The following DISP2 variants were observed in gnomAD, a reference collection of about 807,000 sequenced individuals.
DISP2 encodes protein dispatched homolog 2.
In DISP2, 59 loss-of-function variants were observed where a neutral mutation model predicts 95.5. The ratio of observed to expected loss-of-function variants is 0.62; its 90% CI spans 0.50 to 0.77. The LOEUF (loss-of-function observed/expected upper bound fraction) is 0.77. DISP2 is among the 30% of genes least tolerant of loss of function. The pLI is 0.00. For missense variants in DISP2, 1,752 were observed against 1,854.6 expected (o/e 0.94, Z 1.02); for synonymous variants, 827 against 815.0 (o/e 1.01, Z -0.25).
intron 1 of DISP2, among the ~76,000 whole-genome samples, chr15:40,361,958 T>A (rs79556810): frequency 6.6e-6 from 1 of 152,178 alleles, no homozygotes; most frequent in Non-Finnish European, 1.5e-5. Context: ...GAACCCCCCA[T>A]GGCCCTGGGC....
chr15:40,364,162 C>A (rs148223732), intron 2 of DISP2, 64 bp from the exon 3 acceptor site: 1 of 1,609,398 alleles, frequency 6.2e-7, no homozygotes, highest in African/African-American at 1.3e-5. Flanking sequence ...CCCACCTCCA[C>A]CCCCAACACA....
At position 40,367,530 on chromosome 15, in the gene DISP2, A is replaced by C. The variant is rs138813855; in HGVS notation, c.1418A>C (p.Asp473Ala). The change falls in exon 8 of 8, where the codon GAC becomes GCC. Residue 473 changes from aspartate to alanine, a missense_variant. Transcript: ENST00000267889. Reference sequence around the variant, plus strand: ...AACTACACCTCTGTCACTGGCATGGACCTGGGCCTCAAGCAGGAGCTGCTG... The same window carrying C: ...AACTACACCTCTGTCACTGGCATGGCCCTGGGCCTCAAGCAGGAGCTGCTG... Reference protein sequence around the residue: ...ADNYTSVTGMDLGLKQELLRH... With the variant: ...ADNYTSVTGMALGLKQELLRH... The C allele has an allele frequency of 6.3e-5, 102 of 1,613,332 alleles. 1 individual carries two copies. Among genetic ancestry groups the C allele is most frequent in the Non-Finnish European group, 1.4e-5 (16 of 1,179,896 alleles).
At chr15:40,362,490 G>A (rs943533781) in intron 1 of DISP2, among the ~76,000 whole-genome samples, 3 of 152,242 alleles carry the variant, frequency 2.0e-5, no homozygotes, top group Non-Finnish European at 4.4e-5. Flanking sequence ...CTCTGTGCAA[G>A]GCACTACCAA....
intron 1 of DISP2, 115 bp from the exon 2 acceptor site, chr15:40,363,510 A>G: frequency 2.5e-6 from 2 of 786,558 alleles, no homozygotes; most frequent in South Asian, 2.2e-5. Context: ...GGACTAATAA[A>G]TCAACCCTGA....
In DISP2 at chr15:40,374,014, A is replaced by AAAAAAAAAAAAAAAAAAATATATATATAT; in HGVS notation, c.*3697_*3698insAAAAAAAAAAAAAAAAATATATATATATA. On this transcript the variant is annotated 3_prime_UTR_variant, in exon 8 of 8. Coordinates refer to ENST00000267889, the MANE Select transcript of DISP2 (RefSeq NM_033510.3). ...GCGAGACTCCATCTTAAAAAAAAAA[A>AAAAAAAAAAAAAAAAAAATATATATATAT]ATATATATATATATATATGTAAACT... 11 of 104,174 alleles carry AAAAAAAAAAAAAAAAAAATATATATATAT rather than the reference A, an allele frequency of 1.1e-4. No individual in the cohort carries two copies. The highest frequency in any genetic ancestry group is 3.8e-4 in the African/African-American group (9 of 23,968). The allele number at this position is 104,174 out of a possible 1,614,324, so 6.5% of individuals were successfully genotyped here. A position where few individuals can be genotyped will look rare whatever the true frequency, so the allele number is the denominator to read the frequency against.
intron 7 of DISP2, 73 bp from the exon 8 acceptor site, chr15:40,366,985 C>T: frequency 6.4e-7 from 1 of 1,551,806 alleles, no homozygotes; most frequent in South Asian, 1.2e-5. Context: ...GATGAGAGAG[C>T]CTTGTATAGG....
chr15:40,364,365 G>T, intron 3 of DISP2, 56 bp from the exon 4 acceptor site: 1 of 1,613,390 alleles, frequency 6.2e-7, no homozygotes, highest in South Asian at 1.1e-5. Flanking sequence ...TGGAGCCTGA[G>T]CTCAGCACCC....
chr15:40,363,664 G>A lies in DISP2; in HGVS notation c.159G>A (p.Glu53=). ...TKAVPPEASP[E]RSCSLHSCPL... is the part of the protein sequence containing the mutation. ...CTGTGCCCCCTGAGGCAAGCCCAGA[G>A]AGAAGCTGCTCCCTCCACAGCTGCC... The change falls in exon 2 of 8, where the codon GAG becomes GAA. Residue 53 remains glutamate, a synonymous_variant. Transcript: ENST00000267889. The A allele has an allele frequency of 6.4e-7, 1 of 1,571,616 alleles. No individual in the cohort carries two copies. Among genetic ancestry groups the A allele is most frequent in the Non-Finnish European group, 8.6e-7 (1 of 1,157,416 alleles).
rs1211889268 is a variant in DISP2 at position 40,369,890 on chromosome 15, C to T, written c.3778C>T (p.Leu1260=). ...QDSQGEEAEP[L]PASPEAPAHS... is the part of the protein sequence containing the mutation. ...CTCCCAAGGGGAGGAGGCTGAGCCC[C>T]TGCCAGCCTCACCAGAAGCCCCAGC... Residue 1260 remains leucine, a synonymous_variant, in exon 8 of 8, where the codon CTG becomes TTG. Coordinates refer to ENST00000267889, the MANE Select transcript of DISP2 (RefSeq NM_033510.3). 1 of 1,565,844 alleles carries T rather than the reference C, an allele frequency of 6.4e-7. No individual in the cohort carries two copies. The highest frequency in any genetic ancestry group is 8.7e-7 in the Non-Finnish European group (1 of 1,154,800).
rs768430675 is a variant in DISP2 at position 40,368,282 on chromosome 15, AGCCCCCGCCTGCGGCTGCCCAC to A, written c.2173_2194del (p.Pro725CysfsTer65). 11 of 1,607,210 alleles carry A rather than the reference AGCCCCCGCCTGCGGCTGCCCAC, an allele frequency of 6.8e-6. No homozygotes were observed. The highest frequency in any genetic ancestry group is 9.3e-6 in the Non-Finnish European group (11 of 1,177,744). On this transcript the variant is annotated frameshift_variant, in exon 8 of 8. Coordinates refer to ENST00000267889, the MANE Select transcript of DISP2 (RefSeq NM_033510.3). LOFTEE classifies it high-confidence loss of function. The stretch of plus-strand genomic sequence containing the variant: ...AGGGGGCGCCTACATCGCCGGAGTC[AGCCCCCGCCTGCGGCTGCCCAC>A]GCTGCCGCCGCCCGGCGGCCAGGTC...
At chr15:40,364,191 T>G (rs772570114) in intron 2 of DISP2, 35 bp from the exon 3 acceptor site, 2 of 1,611,602 alleles carry the variant, frequency 1.2e-6, no homozygotes, top group South Asian at 2.2e-5. Flanking sequence ...GCAAGAGAAC[T>G]CTGGCAAGCA....
rs1407256636 is a variant in DISP2, at chr15:40,368,439, G to A, written c.2327G>A (p.Trp776Ter). Residue 776 changes from tryptophan to a stop codon, truncating the protein, a stop_gained, in exon 8 of 8, where the codon TGG becomes TAG. Coordinates refer to ENST00000267889, the MANE Select transcript of DISP2 (RefSeq NM_033510.3). LOFTEE classifies it high-confidence loss of function. Reference protein sequence around the residue: ...EGGHMPVVLVWGVLPVDTGDP... With the variant: ...EGGHMPVVLV ...GGCCACATGCCCGTGGTTTTGGTGTGGGGCGTCCTGCCTGTGGACACTGGC... is the reference window on the plus strand; with the variant it reads ...GGCCACATGCCCGTGGTTTTGGTGTAGGGCGTCCTGCCTGTGGACACTGGC... 3.1e-6 allele frequency: 5 copies of A among 1,609,444 alleles called. No homozygotes were observed. Among genetic ancestry groups the A allele is most frequent in the African/African-American group, 1.3e-5 (1 of 74,942 alleles).
At chr15:40,360,937 C>G (rs895021274) in intron 1 of DISP2, among the ~76,000 whole-genome samples, 3 of 152,226 alleles carry the variant, frequency 2.0e-5, no homozygotes. Flanking sequence ...AAGCACAGGA[C>G]AGTGCTCAAG....
chr15:40,362,791 G>C (rs1889425366), intron 1 of DISP2, among the ~76,000 whole-genome samples: 1 of 152,198 alleles, frequency 6.6e-6, no homozygotes, highest in Admixed American at 6.5e-5. Flanking sequence ...CCCAGGCAGA[G>C]GGAAGAGAAA....
Position 40,365,558 on chromosome 15 carries a change from A to T in DISP2, c.848-70A>T, listed in dbSNP as rs1889483764. 4.8e-5 allele frequency: 75 copies of T among 1,554,030 alleles called. 2 individuals are homozygous for T. The South Asian group carries it at 7.8e-4, about 16-fold the overall frequency. On this transcript the variant is annotated intron_variant, in intron 6 of 7. Transcript: ENST00000267889. ...GAACCTCATGTGGCCCTGGGTAAGC[A>T]TCTTCCCTTTGGAGGACCCAGGACC...
At position 40,368,171 on chromosome 15, in the gene DISP2, T is replaced by G; in HGVS notation, c.2059T>G (p.Ser687Ala). The G allele has an allele frequency of 6.3e-7, 1 of 1,576,542 alleles. No homozygotes were observed. The highest frequency in any genetic ancestry group is 8.6e-7 in the Non-Finnish European group (1 of 1,167,250). The change falls in exon 8 of 8, where the codon TCG becomes GCG. Residue 687 changes from serine to alanine, a missense_variant. Ser to Ala is a moderately conservative substitution (Grantham distance 99). Around this residue, in one of 5 missense-constraint regions of DISP2, gnomAD observed 732 missense variants for 714.6 expected, o/e 1.02. Coordinates refer to ENST00000267889, the MANE Select transcript of DISP2 (RefSeq NM_033510.3). The part of the protein sequence containing the change: ...RGLRRAAAGT[S>A]RLLFQRLLPC... ...CCTGCGGAGGGCGGCGGCTGGCACC[T>G]CGCGTCTGCTCTTCCAGCGCCTGCT...
intron 1 of DISP2, among the ~76,000 whole-genome samples, chr15:40,359,942 T>C (rs1430022239): frequency 6.6e-6 from 1 of 152,264 alleles, no homozygotes; most frequent in Non-Finnish European, 1.5e-5. Flanking sequence ...CCTAGTGATA[T>C]GAGCTGCTTC....
In DISP2 at chr15:40,363,892, C is replaced by A; in HGVS notation, c.387C>A (p.Ala129=). 1.3e-6 allele frequency: 2 copies of A among 1,578,462 alleles called. No homozygotes were observed. Among genetic ancestry groups the A allele is most frequent in the Non-Finnish European group, 1.7e-6 (2 of 1,159,640 alleles). Residue 129 remains alanine, a synonymous_variant, in exon 2 of 8, where the codon GCC becomes GCA. Coordinates refer to ENST00000267889, the MANE Select transcript of DISP2 (RefSeq NM_033510.3). ...SHGSSLSPSP[A]PSQRDGTWKP... is the part of the protein sequence containing the mutation. Reference sequence around the variant, plus strand: ...GCTCCAGCCTCAGCCCTTCTCCAGCCCCCTCACAGCGCGATGGGACCTGGA... The same window carrying A: ...GCTCCAGCCTCAGCCCTTCTCCAGCACCCTCACAGCGCGATGGGACCTGGA...
chr15:40,365,540 A>G, intron 6 of DISP2, 88 bp from the exon 7 acceptor site: 1 of 1,467,950 alleles, frequency 6.8e-7, no homozygotes, highest in Non-Finnish European at 9.5e-7. Context: ...TCTGAACCTC[A>G]TGTGGCCCTG....
Sources: gnomAD v4.1 joint callset for allele counts (sites outside exome capture counted in the v4.1 genomes callset) on GRCh38, gnomAD v4.1.1 for gene constraint, gnomAD v4.1.1 regional missense constraint, MANE v1.5 for transcripts, NCBI Gene and HGNC (gene_info 2026-07-23, HGNC 2026-07-21) for gene names.